GLMN: variants seen among roughly 807,000 people sequenced by gnomAD.
GLMN encodes glomulin.
A neutral mutation model predicts 87.8 loss-of-function variants in GLMN; 75 were observed. The observed-to-expected ratio is 0.85, with a 90% CI of 0.71 to 1.04. The LOEUF is 1.04. Ranked by LOEUF, GLMN falls within the 50% of genes least tolerant of loss-of-function variation. GLMN has a pLI of 0.00. For synonymous variants in GLMN, 206 were observed against 221.6 expected (o/e 0.93, Z 0.63); for missense variants, 588 against 658.8 (o/e 0.89, Z 1.18).
the GLMN span, among the ~76,000 whole-genome samples, chr1:92,340,456 T>C: frequency 6.6e-6 from 1 of 152,008 alleles, no homozygotes; most frequent in African/African-American, 2.4e-5. Context: ...TGGGAAAGAG[T>C]TGACATAAAT....
In GLMN at chr1:92,246,593, T is replaced by C; in HGVS notation, c.1722A>G (p.Arg574=). 1.9e-6 allele frequency: 3 copies of C among 1,599,510 alleles called. No homozygotes were observed. Among genetic ancestry groups the C allele is most frequent in the African/African-American group, 1.3e-5 (1 of 74,800 alleles). ...TTTTTATTTCAATGAGTTCTTCCAC[T>C]CGAGCTAGAACACTTTCAATCAAAT... ...TFDLIESVLA[R]VEELIEIKTK... The change falls in exon 19 of 19, where the codon CGA becomes CGG. Residue 574 remains arginine (R), a synonymous_variant. Coordinates refer to ENST00000370360, the MANE Select transcript of GLMN (RefSeq NM_053274.3).
At chr1:92,285,467 C>A (rs368880328) in intron 7 of GLMN, among the ~76,000 whole-genome samples, 157 of 150,098 alleles carry the variant, frequency 1.0e-3, no homozygotes, top group African/African-American at 3.5e-3. Context: ...CTGGTTGGGG[C>A]GTGGGGGGCT....
Position 92,255,038 on chromosome 1 carries a change from G to T in GLMN, c.1474-7049C>A, listed in dbSNP as rs1053026137. Reference sequence around the variant, plus strand: ...ATCTCATGTGAAAAGACACACATAGGCTCAAAATAAAGGGATGAAGGATTA... The same window carrying T: ...ATCTCATGTGAAAAGACACACATAGTCTCAAAATAAAGGGATGAAGGATTA... On this transcript the variant is annotated intron_variant, in intron 16 of 18. Coordinates refer to ENST00000370360, the MANE Select transcript of GLMN (RefSeq NM_053274.3). 5.3e-5 allele frequency among the ~76,000 whole-genome samples: 8 copies of T among 151,620 alleles called. No individual in the cohort carries two copies. The South Asian group carries it at 8.3e-4, about 16-fold the overall frequency.
chr1:92,300,150 A>G (rs200138332), upstream of GLMN: 1 of 1,392,626 alleles, frequency 7.2e-7, no homozygotes, highest in Non-Finnish European at 1.0e-6. Context: ...TCCGTCGTTT[A>G]CGGAAATGTC....
Position 92,298,941 on chromosome 1 carries a change from C to T in GLMN, c.-47G>A. 1 of 487,288 alleles carries T rather than the reference C, an allele frequency of 2.1e-6. No individual in the cohort carries two copies. Among genetic ancestry groups the T allele is most frequent in the Non-Finnish European group, 3.7e-6 (1 of 273,306 alleles). The allele number at this position is 487,288 out of a possible 1,614,324, so 30.2% of individuals were successfully genotyped here. A position where few individuals can be genotyped will look rare whatever the true frequency, so the allele number is the denominator to read the frequency against. ...TCCACTTACCGGCCAGAACCCTCGC[C>T]TCTCCCAGCCGCCGCCACCTCCTCC... On this transcript the variant is annotated 5_prime_UTR_variant, in exon 1 of 19. Coordinates refer to ENST00000370360, the MANE Select transcript of GLMN (RefSeq NM_053274.3).
chr1:92,342,755 T>A, the GLMN span, among the ~76,000 whole-genome samples: 6 of 152,106 alleles, frequency 3.9e-5, no homozygotes, highest in African/African-American at 1.4e-4. Context: ...TGGCTGGACA[T>A]GGGATGTGAG....
the GLMN span, among the ~76,000 whole-genome samples, chr1:92,343,527 G>A: frequency 6.6e-6 from 1 of 152,046 alleles, no homozygotes; most frequent in African/African-American, 2.4e-5. Flanking sequence ...TCAGATTAAT[G>A]TAACAAAATA....
chr1:92,269,637 C>G (rs1415526455), intron 9 of GLMN, 86 bp downstream of exon 9: 3 of 873,962 alleles, frequency 3.4e-6, no homozygotes, highest in Non-Finnish European at 5.9e-6. Context: ...TAGAGCTTAG[C>G]AAAGAAAAGG....
At chr1:92,341,207 C>G in the GLMN span, among the ~76,000 whole-genome samples, 1 of 152,052 alleles carries the variant, frequency 6.6e-6, no homozygotes, top group Admixed American at 6.6e-5. Flanking sequence ...CGAGGTTTCA[C>G]CATGTTGCCC....
chr1:92,365,063 T>C, the GLMN span, among the ~76,000 whole-genome samples: 3 of 152,192 alleles, frequency 2.0e-5, no homozygotes, highest in African/African-American at 7.2e-5. Flanking sequence ...TTGAAACTTA[T>C]TTTCTTTTCA....
chr1:92,331,889 T>A, the GLMN span, among the ~76,000 whole-genome samples: 15 of 152,166 alleles, frequency 9.9e-5, no homozygotes, highest in African/African-American at 3.6e-4. Flanking sequence ...TTGAAAGATA[T>A]TTTTCTATAT....
At chr1:92,279,963 A>C (rs1401828768) in intron 7 of GLMN, among the ~76,000 whole-genome samples, 2 of 152,376 alleles carry the variant, frequency 1.3e-5, no homozygotes, top group East Asian at 3.9e-4. Context: ...GCCTGGAAGC[A>C]CAAACTGGGC....
chr1:92,354,890 AATT>A, the GLMN span, among the ~76,000 whole-genome samples: 3,282 of 147,646 alleles, frequency 0.022, 124 homozygotes, highest in African/African-American at 0.068. Flanking sequence ...AATTTATGTA[AATT>A]ATTATTATTA....
the GLMN span, chr1:92,324,147 A>C: frequency 1.2e-6 from 2 of 1,614,170 alleles, no homozygotes; most frequent in Admixed American, 1.7e-5. Flanking sequence ...AACTTGATGA[A>C]GATGACATAA....
At chr1:92,262,816 A>G (rs772858323) in intron 16 of GLMN, 47 bp downstream of exon 16, 2 of 801,024 alleles carry the variant, frequency 2.5e-6, no homozygotes, top group South Asian at 2.7e-5. Flanking sequence ...AACATTCCTT[A>G]TGCCTTTTGA....
At chr1:92,246,991 C>G in intron 18 of GLMN, 71 bp downstream of exon 18, 1 of 850,800 alleles carries the variant, frequency 1.2e-6, no homozygotes, top group Admixed American at 1.7e-5. Context: ...CCACTGCACT[C>G]CAGCTTGGGC....
At chr1:92,251,354 G>A (rs971680751) in intron 16 of GLMN, among the ~76,000 whole-genome samples, 1 of 151,948 alleles carries the variant, frequency 6.6e-6, no homozygotes, top group Non-Finnish European at 1.5e-5. Flanking sequence ...AGATAATTCA[G>A]TAAATTAAGG....
At chr1:92,304,948 G>C in the GLMN span, among the ~76,000 whole-genome samples, 3 of 151,760 alleles carry the variant, frequency 2.0e-5, no homozygotes, top group East Asian at 5.8e-4. Context: ...GCCAGCCTGG[G>C]CAACGGCAAA....
intron 14 of GLMN, 83 bp downstream of exon 14, chr1:92,264,471 T>C: frequency 1.4e-6 from 1 of 720,326 alleles, no homozygotes; most frequent in South Asian, 1.5e-5. Context: ...GATAGAGCAA[T>C]AACTCACATT....
Sources: allele counts gnomAD v4.1 joint callset (sites outside exome capture counted in the v4.1 genomes callset), GRCh38; gene constraint gnomAD v4.1.1; transcripts MANE v1.5; gene names NCBI Gene and HGNC (gene_info 2026-07-23, HGNC 2026-07-21).